The following PIK3CA variants were observed in gnomAD, a reference collection of about 807,000 sequenced individuals.
PIK3CA encodes the protein phosphatidylinositol 4,5-bisphosphate 3-kinase catalytic subunit alpha isoform.
In PIK3CA, 27 loss-of-function variants were observed where a neutral mutation model predicts 138.2. The observed-to-expected ratio is 0.20, with a 90% CI of 0.14 to 0.27. PIK3CA has a LOEUF of 0.27. Ranked by LOEUF, PIK3CA falls within the 10% of genes least tolerant of loss-of-function variation. The pLI, the probability that PIK3CA is intolerant of heterozygous loss-of-function variation, is 1.00. For missense variants in PIK3CA, 544 were observed against 1,277.4 expected (o/e 0.43, Z 8.75); for synonymous variants, 358 against 413.2 (o/e 0.87, Z 1.62).
chr3:179,221,543 GTC>G (rs1384927729), intron 14 of PIK3CA, among the ~76,000 whole-genome samples: 1 of 151,660 alleles, frequency 6.6e-6, no homozygotes, highest in East Asian at 1.9e-4. Flanking sequence ...GTCATTTATT[GTC>G]TCTCAGTAAT....
In PIK3CA at chr3:179,234,636, ATTGT is replaced by A. The variant is rs531656942; in HGVS notation, c.*277_*280del. 8 of 300,040 alleles carry A rather than the reference ATTGT, an allele frequency of 2.7e-5. No individual in the cohort carries two copies. Among genetic ancestry groups the A allele is most frequent in the East Asian group, 2.0e-4 (4 of 20,404 alleles). 18.6% of individuals were successfully genotyped at this position (300,040 alleles called of 1,614,324 possible). On this transcript the variant is annotated 3_prime_UTR_variant, in exon 21 of 21. Coordinates refer to ENST00000263967, the MANE Select transcript of PIK3CA (RefSeq NM_006218.4). This position sits in a 1 kb window ranked among gnomAD's most constrained non-coding sequence, Gnocchi z 5.1. ...AAGTCCAAAAAGGTAAACTTTGAAG[ATTGT>A]TTGTATCTTTTTTTAAAAAACAAAA...
At position 179,209,591 on chromosome 3, in the gene PIK3CA, A is replaced by G. The variant is rs201538541; in HGVS notation, c.1146-4A>G. 18 of 1,575,558 alleles carry G rather than the reference A, an allele frequency of 1.1e-5. No homozygotes were observed. The highest frequency in any genetic ancestry group is 4.1e-5 in the African/African-American group (3 of 73,876). ...TATTATTTTTGCTTTAAAATTTTAC[A>G]TAGGTGGAATGAATGGCTGAATTAT... On this transcript the variant is annotated splice_region_variant and splice_polypyrimidine_tract_variant and intron_variant, in intron 6 of 20. Coordinates refer to ENST00000263967, the MANE Select transcript of PIK3CA (RefSeq NM_006218.4).
At chr3:179,173,361 A>G (rs1318534669) in intron 1 of PIK3CA, among the ~76,000 whole-genome samples, 5 of 143,692 alleles carry the variant, frequency 3.5e-5, no homozygotes, top group African/African-American at 1.3e-4. Context: ...GATCGAGACC[A>G]TCCTGGCTAA....
At chr3:179,183,352 T>C (rs1164108942) in intron 1 of PIK3CA, among the ~76,000 whole-genome samples, 1 of 152,202 alleles carries the variant, frequency 6.6e-6, no homozygotes, top group Non-Finnish European at 1.5e-5. Context: ...TTTCATCCAA[T>C]GTCGTAACAT....
chr3:179,185,799 G>T (rs1345643057), intron 1 of PIK3CA, among the ~76,000 whole-genome samples: 2 of 152,228 alleles, frequency 1.3e-5, no homozygotes, highest in African/African-American at 4.8e-5. Context: ...GGCAGGGCTT[G>T]TGGGAAGGGG....
chr3:179,207,667 C>A (rs1222708716), intron 6 of PIK3CA, among the ~76,000 whole-genome samples: 1 of 151,666 alleles, frequency 6.6e-6, no homozygotes, highest in Non-Finnish European at 1.5e-5. Flanking sequence ...TTACAGGCGC[C>A]CACCACCACG....
At chr3:179,189,504 A>G (rs1289503522) in intron 1 of PIK3CA, among the ~76,000 whole-genome samples, 1 of 152,180 alleles carries the variant, frequency 6.6e-6, no homozygotes, top group Non-Finnish European at 1.5e-5. Context: ...GGATTCTTTT[A>G]ACCCAACCTT....
At chr3:179,154,018 G>A (rs1176099053) in intron 1 of PIK3CA, among the ~76,000 whole-genome samples, 1 of 152,142 alleles carries the variant, frequency 6.6e-6, no homozygotes, top group Non-Finnish European at 1.5e-5. Context: ...TCCTGGTTAA[G>A]GACTTTTTAG....
intron 1 of PIK3CA, among the ~76,000 whole-genome samples, chr3:179,163,516 T>C (rs781598262): frequency 6.6e-6 from 1 of 152,006 alleles, no homozygotes; most frequent in Non-Finnish European, 1.5e-5. Flanking sequence ...AAAATCTCTT[T>C]CTCTCACCTC....
At position 179,234,476 on chromosome 3, in the gene PIK3CA, A is replaced by G. The variant is rs2108430544; in HGVS notation, c.*112A>G. ...AATTGCACAATCCATGAACAGCATT[A>G]GAATTTACAGCAAGAACAGAAATAA... On this transcript the variant is annotated 3_prime_UTR_variant, in exon 21 of 21. Coordinates refer to ENST00000263967, the MANE Select transcript of PIK3CA (RefSeq NM_006218.4). This position sits in a 1 kb window ranked among gnomAD's most constrained non-coding sequence, Gnocchi z 5.1. 1 of 763,922 alleles carries G rather than the reference A, an allele frequency of 1.3e-6. No homozygotes were observed. The highest frequency in any genetic ancestry group is 2.0e-6 in the Non-Finnish European group (1 of 491,948). The allele number at this position is 763,922 out of a possible 1,614,324, so 47.3% of individuals were successfully genotyped here.
chr3:179,228,568 T>A (rs1338972413), intron 17 of PIK3CA, among the ~76,000 whole-genome samples: 1 of 152,046 alleles, frequency 6.6e-6, no homozygotes, highest in Non-Finnish European at 1.5e-5. Context: ...TGAGGCCAGA[T>A]TTTCTTTTTA....
rs2108425013 is a variant in PIK3CA, at chr3:179,230,285, C to T, written c.2845C>T (p.Arg949Ter). 6.2e-7 allele frequency: 1 copy of T among 1,611,282 alleles called. No individual in the cohort carries two copies. Among genetic ancestry groups the T allele is most frequent in the Non-Finnish European group, 8.5e-7 (1 of 1,178,208 alleles). The change falls in exon 20 of 21, where the codon CGA becomes TGA. Residue 949 changes from arginine (R) to a stop codon, truncating the protein, a stop_gained. Transcript: ENST00000263967. LOFTEE classifies it high-confidence loss of function. This position sits in a 1 kb window ranked among gnomAD's most constrained non-coding sequence, Gnocchi z 5.4. Reference protein sequence around the residue: ...DHKKKKFGYKRERVPFVLTQD... With the variant: ...DHKKKKFGYK Reference sequence around the variant, plus strand: ...CAAGAAGAAAAAATTTGGTTATAAACGAGAACGTGTGCCATTTGTTTTGAC... The same window carrying T: ...CAAGAAGAAAAAATTTGGTTATAAATGAGAACGTGTGCCATTTGTTTTGAC...
intron 1 of PIK3CA, among the ~76,000 whole-genome samples, chr3:179,196,662 C>A (rs532034762): frequency 6.6e-6 from 1 of 152,296 alleles, no homozygotes; most frequent in Non-Finnish European, 1.5e-5. Flanking sequence ...CTCTTCACAT[C>A]CTTTGTGTGT....
chr3:179,167,484 T>G (rs1328068472), intron 1 of PIK3CA, among the ~76,000 whole-genome samples: 1 of 152,138 alleles, frequency 6.6e-6, no homozygotes, highest in African/African-American at 2.4e-5. Flanking sequence ...GTCTCATTCT[T>G]CCTTTCAAGT....
At chr3:179,184,118 C>G (rs147107959) in intron 1 of PIK3CA, among the ~76,000 whole-genome samples, 37 of 152,306 alleles carry the variant, frequency 2.4e-4, no homozygotes, top group African/African-American at 8.2e-4. Context: ...AAGAAGTATT[C>G]CATATTTTTA....
chr3:179,229,823 GA>G (rs1203452296), intron 18 of PIK3CA, among the ~76,000 whole-genome samples, 180 bp from the exon 19 acceptor site: 2 of 152,116 alleles, frequency 1.3e-5, no homozygotes, highest in Admixed American at 6.6e-5. Context: ...GGAACATCTG[GA>G]AATTTCCTTA....
chr3:179,154,260 C>T (rs910287842), intron 1 of PIK3CA, among the ~76,000 whole-genome samples: 3 of 152,098 alleles, frequency 2.0e-5, no homozygotes, highest in African/African-American at 7.2e-5. Flanking sequence ...CTGTTAGGAA[C>T]CGGGCTGCAC....
intron 1 of PIK3CA, among the ~76,000 whole-genome samples, chr3:179,162,553 A>G (rs377170936): frequency 6.6e-6 from 1 of 152,174 alleles, no homozygotes; most frequent in Non-Finnish European, 1.5e-5. Flanking sequence ...AGGAAAACCA[A>G]GAGTCAACTG....
At position 179,234,769 on chromosome 3, in the gene PIK3CA, AG is replaced by A; in HGVS notation, c.*407del. ...ATGTTTTGAAATGTGGACACAACAA[AG>A]GCTGTTATTGCATTAGGTGTAAGTA... On this transcript the variant is annotated 3_prime_UTR_variant, in exon 21 of 21. Coordinates refer to ENST00000263967, the MANE Select transcript of PIK3CA (RefSeq NM_006218.4). This position sits in a 1 kb window ranked among gnomAD's most constrained non-coding sequence, Gnocchi z 5.1. The A allele has an allele frequency of 4.3e-6, 1 of 235,276 alleles. No homozygotes were observed. The highest frequency in any genetic ancestry group is 8.4e-6 in the Non-Finnish European group (1 of 119,400). The allele number at this position is 235,276 out of a possible 1,614,324, so 14.6% of individuals were successfully genotyped here.
Sources: gnomAD v4.1 joint callset for allele counts (sites outside exome capture counted in the v4.1 genomes callset) on GRCh38, gnomAD v4.1.1 for gene constraint, Gnocchi (gnomAD v3.1) non-coding constraint, MANE v1.5 for transcripts, NCBI Gene and HGNC (gene_info 2026-07-23, HGNC 2026-07-21) for gene names.